Variants in SAMD4A observed in about 807,000 individuals in gnomAD.
SAMD4A encodes the protein protein Smaug homolog 1.
In SAMD4A, 33 loss-of-function variants were observed where a neutral mutation model predicts 81.3. That is an observed-to-expected ratio of 0.41 (90% CI 0.31 to 0.54). SAMD4A has a LOEUF of 0.54. Among genes scored for constraint, SAMD4A ranks in the 20% least tolerant of loss-of-function variants. The pLI is 0.37. For synonymous variants in SAMD4A, 389 were observed against 382.1 expected, an observed-to-expected ratio of 1.02 and a Z score of -0.21; for missense variants, 854 against 951.1, an observed-to-expected ratio of 0.90 and a Z score of 1.34.
chr14:54,591,786 T>A lies in SAMD4A; in HGVS notation c.196+23674T>A, dbSNP rs181128334. On this transcript the variant is annotated intron_variant, in intron 2 of 12. Coordinates refer to ENST00000554335, the MANE Select transcript of SAMD4A (RefSeq NM_015589.6). The stretch of plus-strand genomic sequence containing the variant: ...TTTTATTTCTCCTTTATATTGCAAC[T>A]AGGTCATAGCATTGATTTATTAAAA... Among the ~76,000 whole-genome samples the A allele has an allele frequency of 1.6e-4, 24 of 152,280 alleles. No homozygotes were observed. The East Asian group carries it at 4.1e-3, about 26-fold the overall frequency.
In SAMD4A at chr14:54,674,437, G is replaced by A. The variant is rs35372558; in HGVS notation, c.197-27625G>A. 3.1e-3 allele frequency among the ~76,000 whole-genome samples: 477 copies of A among 152,342 alleles called. 2 individuals are homozygous for A. The highest frequency in any genetic ancestry group is 5.4e-3 in the Non-Finnish European group (370 of 68,036). On this transcript the variant is annotated intron_variant, in intron 2 of 12. Transcript: ENST00000554335. ...TTGTGAAACAAAAGAGAAGGCAATG[G>A]ATAATTGATTCTGTTCTCTAAAGGC...
chr14:54,770,226 T>C lies in SAMD4A; in HGVS notation c.1715+4T>C, dbSNP rs1235476071. The C allele has an allele frequency of 2.5e-6, 4 of 1,588,256 alleles. No homozygotes were observed. The highest frequency in any genetic ancestry group is 4.5e-5 in the East Asian group (2 of 44,714). ...CAGGATATCGACAGCAAAGAAAGTA[T>C]GTTGGGATTTCATTCTTTGTAATGC... On this transcript the variant is annotated splice_donor_region_variant and intron_variant, in intron 9 of 12. Coordinates refer to ENST00000554335, the MANE Select transcript of SAMD4A (RefSeq NM_015589.6).
chr14:54,745,590 T>C (rs1055338679), intron 4 of SAMD4A, among the ~76,000 whole-genome samples: 1 of 152,210 alleles, frequency 6.6e-6, no homozygotes, highest in African/African-American at 2.4e-5. Flanking sequence ...AAAAGTTCCT[T>C]AATGGAAGGG....
intron 2 of SAMD4A, among the ~76,000 whole-genome samples, chr14:54,696,191 G>A (rs979285245): frequency 6.6e-5 from 10 of 152,122 alleles, no homozygotes; most frequent in African/African-American, 2.4e-4. Context: ...AAGTGCAGGT[G>A]CCAACACAAG....
intron 2 of SAMD4A, chr14:54,690,175 A>G (rs2140654960): frequency 6.6e-6 from 1 of 152,198 alleles, no homozygotes; most frequent in East Asian, 1.9e-4. Context: ...TGTTATACAG[A>G]TATGCAAGTC....
At chr14:54,703,115 G>C (rs1278246726) in intron 3 of SAMD4A, 2 of 155,926 alleles carry the variant, frequency 1.3e-5, no homozygotes, top group Non-Finnish European at 2.8e-5. Flanking sequence ...AATTGTTGGG[G>C]CACTTTTTTC....
At chr14:54,618,210 G>T (rs983518079) in intron 2 of SAMD4A, among the ~76,000 whole-genome samples, 5 of 152,148 alleles carry the variant, frequency 3.3e-5, no homozygotes, top group Non-Finnish European at 7.4e-5. Context: ...TGGTGTGCTG[G>T]AGCCGCCTCC....
At chr14:54,595,296 T>C (rs1455287428) in intron 2 of SAMD4A, among the ~76,000 whole-genome samples, 2 of 152,068 alleles carry the variant, frequency 1.3e-5, no homozygotes, top group Admixed American at 6.6e-5. Context: ...CTTACTATCT[T>C]ATAAGTATAC....
chr14:54,638,255 G>A (rs564915825), intron 2 of SAMD4A, among the ~76,000 whole-genome samples: 30 of 152,294 alleles, frequency 2.0e-4, no homozygotes, highest in Admixed American at 1.0e-3. Context: ...CGGGGGAGCC[G>A]CAGCACACGG....
chr14:54,592,981 T>C (rs1162487153), intron 2 of SAMD4A, among the ~76,000 whole-genome samples: 2 of 152,256 alleles, frequency 1.3e-5, no homozygotes, highest in African/African-American at 4.8e-5. Context: ...ATGAGCATTT[T>C]CCAATGTCAC....
At chr14:54,734,076 A>G (rs2037629047) in intron 3 of SAMD4A, among the ~76,000 whole-genome samples, 1 of 152,186 alleles carries the variant, frequency 6.6e-6, no homozygotes. Context: ...TAACACCAAA[A>G]TCAGCTTTGT....
At position 54,661,344 on chromosome 14, in the gene SAMD4A, T is replaced by C. The variant is rs1566571642; in HGVS notation, c.197-40718T>C. Among the ~76,000 whole-genome samples, 3 of 152,360 alleles carry C rather than the reference T, an allele frequency of 2.0e-5. No individual in the cohort carries two copies. The East Asian group carries it at 5.8e-4, about 29-fold the overall frequency. ...CATAATGTGGATTCTATAGATTTCTTTGATGCCTTTTTATTCCCAAAGAGT... is the reference window on the plus strand; with the variant it reads ...CATAATGTGGATTCTATAGATTTCTCTGATGCCTTTTTATTCCCAAAGAGT... On this transcript the variant is annotated intron_variant, in intron 2 of 12. Coordinates refer to ENST00000554335, the MANE Select transcript of SAMD4A (RefSeq NM_015589.6).
intron 10 of SAMD4A, among the ~76,000 whole-genome samples, chr14:54,775,932 A>G (rs2038831594): frequency 6.6e-6 from 1 of 150,682 alleles, no homozygotes; most frequent in Non-Finnish European, 1.5e-5. Context: ...CTGCTGGGAC[A>G]CACAGGCTGA....
intron 2 of SAMD4A, among the ~76,000 whole-genome samples, chr14:54,589,859 G>T (rs1434762125): frequency 6.6e-6 from 1 of 152,032 alleles, no homozygotes; most frequent in Non-Finnish European, 1.5e-5. Flanking sequence ...CATCCTTCAG[G>T]TCTCTGCTTA....
intron 2 of SAMD4A, among the ~76,000 whole-genome samples, chr14:54,692,187 C>T (rs1039566399): frequency 1.3e-5 from 2 of 152,176 alleles, no homozygotes; most frequent in African/African-American, 4.8e-5. Context: ...AGTGACTTCA[C>T]AGTTCACAGT....
At chr14:54,784,325 T>C (rs983914842) in intron 11 of SAMD4A, 5 of 1,545,086 alleles carry the variant, frequency 3.2e-6, no homozygotes, top group Non-Finnish European at 3.5e-6. Context: ...ATTTTTAGTC[T>C]CCGTTTTGTT....
At position 54,733,262 on chromosome 14, in the gene SAMD4A, G is replaced by A. The variant is rs146842108; in HGVS notation, c.716-3762G>A. On this transcript the variant is annotated intron_variant, in intron 3 of 12. Transcript: ENST00000554335. ...TTACCTAATACTTATTATTTACTTC[G>A]GATTCATTTGAATTTAAAAAGTTCC... 3.1e-3 allele frequency among the ~76,000 whole-genome samples: 470 copies of A among 152,180 alleles called. 1 individual carries two copies. Among genetic ancestry groups the A allele is most frequent in the African/African-American group, 0.01 (429 of 41,548 alleles).
intron 3 of SAMD4A, among the ~76,000 whole-genome samples, chr14:54,708,052 G>A (rs1271833853): frequency 1.3e-5 from 2 of 152,222 alleles, no homozygotes; most frequent in Non-Finnish European, 2.9e-5. Flanking sequence ...CTCTTTGGCT[G>A]CTGTCTTAAG....
chr14:54,567,375 G>T (rs1220334777), intron 1 of SAMD4A, 37 bp downstream of exon 1: 1 of 152,526 alleles, frequency 6.6e-6, no homozygotes, highest in Admixed American at 6.5e-5. Context: ...GGATTTCGGC[G>T]AACCCAACCT....
Sources: gnomAD v4.1 joint callset for allele counts (sites outside exome capture counted in the v4.1 genomes callset) on GRCh38, gnomAD v4.1.1 for gene constraint, MANE v1.5 for transcripts, NCBI Gene and HGNC (gene_info 2026-07-23, HGNC 2026-07-21) for gene names.